LRRC53: variants seen among roughly 807,000 people sequenced by gnomAD.
The protein encoded by LRRC53 is leucine-rich repeat-containing protein 53.
LRRC53 carries 25 observed loss-of-function variants against 13.6 expected under a neutral mutation model. That is an observed-to-expected ratio of 1.83 (90% CI 1.34 to 2.56). LRRC53 has a LOEUF of 2.56. LRRC53 is among the 30% of genes most tolerant of loss of function. The pLI, the probability that LRRC53 is intolerant of heterozygous loss-of-function variation, is 0.00. For missense variants in LRRC53, 527 were observed against 275.8 expected (o/e 1.91, Z -6.45); for synonymous variants, 204 against 109.8 (o/e 1.86, Z -5.37).
chr1:74,531,629 C>G, the LRRC53 span, among the ~76,000 whole-genome samples: 1 of 152,152 alleles, frequency 6.6e-6, no homozygotes, highest in East Asian at 1.9e-4. Flanking sequence ...ATTTATTATC[C>G]TAGTGTAAAC....
At position 74,480,933 on chromosome 1, in the gene LRRC53, C is replaced by T. The variant is rs535066848; in HGVS notation, c.124G>A (p.Asp42Asn). The stretch of plus-strand genomic sequence containing the variant: ...CTCTCAATAGAGGAGAGATATCCAT[C>T]GGTGATGATTAAAACCCTCGTGGTC... ...PMTTRVLIIT[D>N]GYLSSIESTN... Residue 42 changes from aspartate (D) to asparagine (N), a missense_variant, in exon 3 of 5, where the codon GAT becomes AAT. Transcript: ENST00000294635. 13 of 716,898 alleles carry T rather than the reference C, an allele frequency of 1.8e-5. No individual in the cohort carries two copies. The highest frequency in any genetic ancestry group is 5.9e-5 in the South Asian group (4 of 67,530). The allele number at this position is 716,898 out of a possible 1,614,324, so 44.4% of individuals were successfully genotyped here. A position where few individuals can be genotyped will look rare whatever the true frequency, so the allele number is the denominator to read the frequency against.
the LRRC53 span, among the ~76,000 whole-genome samples, chr1:74,524,414 A>C: frequency 6.6e-6 from 1 of 152,290 alleles, no homozygotes; most frequent in East Asian, 1.9e-4. Context: ...GTGGAGTTTC[A>C]CTGGCTGTGG....
In LRRC53 at chr1:74,481,087, A is replaced by G. The variant is rs911804250; in HGVS notation, c.89-119T>C. The G allele has an allele frequency of 6.9e-6, 4 of 582,572 alleles. No homozygotes were observed. The African/African-American group carries it at 7.5e-5, about 11-fold the overall frequency. The allele number at this position is 582,572 out of a possible 1,614,324, so 36.1% of individuals were successfully genotyped here. A position where few individuals can be genotyped will look rare whatever the true frequency, so the allele number is the denominator to read the frequency against. On this transcript the variant is annotated intron_variant, in intron 2 of 4. Transcript: ENST00000294635. ...ATCTTATCACCTGGGTAAAAACAATAAACAATACAAAAAATGAAAATGATT... is the reference window on the plus strand; with the variant it reads ...ATCTTATCACCTGGGTAAAAACAATGAACAATACAAAAAATGAAAATGATT...
intron 1 of LRRC53, chr1:74,492,307 T>C (rs199746321): frequency 1.5e-5 from 22 of 1,444,074 alleles, no homozygotes; most frequent in African/African-American, 2.8e-5. Context: ...AAAGTCTTAT[T>C]TCAGAATCTT....
rs72971708 is a variant in LRRC53 at position 74,486,938 on chromosome 1, T to C, written c.-26-3563A>G. Among the ~76,000 whole-genome samples, 221 of 152,126 alleles carry C rather than the reference T, an allele frequency of 1.5e-3. 2 individuals are homozygous for C. Among genetic ancestry groups the C allele is most frequent in the African/African-American group, 5.0e-3 (206 of 41,514 alleles). On this transcript the variant is annotated intron_variant, in intron 1 of 4. Transcript: ENST00000294635. ...GAGATGTAACCATTGAATTTAGCAA[T>C]GAGATCTTTGTAACCTTGACAAGGG...
chr1:74,470,814 C>G lies in LRRC53; in HGVS notation c.2808G>C (p.Lys936Asn), dbSNP rs1557587043. The G allele has an allele frequency of 5.0e-6, 2 of 400,474 alleles. No individual in the cohort carries two copies. The highest frequency in any genetic ancestry group is 8.8e-6 in the Non-Finnish European group (2 of 226,184). 24.8% of individuals were successfully genotyped at this position (400,474 alleles called of 1,614,324 possible). ...RNQTQLLDAHKTDSYNKEYTL... is the reference protein window; with the variant it reads ...RNQTQLLDAHNTDSYNKEYTL... ...TGTATTCCTTGTTGTAGCTGTCAGT[C>G]TTGTGAGCATCTAAAAGTTGTGTTT... The change falls in exon 5 of 5, where the codon AAG becomes AAC. Residue 936 changes from lysine to asparagine, a missense_variant. Coordinates refer to ENST00000294635, the MANE Select transcript of LRRC53 (RefSeq NM_001382280.1).
Position 74,480,683 on chromosome 1 carries a change from G to T in LRRC53, c.374C>A (p.Ser125Tyr). The T allele has an allele frequency of 2.8e-6, 2 of 717,344 alleles. No individual in the cohort carries two copies. Among genetic ancestry groups the T allele is most frequent in the South Asian group, 1.5e-5 (1 of 67,576 alleles). 44.4% of individuals were successfully genotyped at this position (717,344 alleles called of 1,614,324 possible). ...CAGGCCGCTTGTGTTTCGGAACCAAGACCCTCGTAGGGTGCGGAGAGCATT... is the reference window on the plus strand; with the variant it reads ...CAGGCCGCTTGTGTTTCGGAACCAATACCCTCGTAGGGTGCGGAGAGCATT... ...SNNALRTLRG[S>Y]WFRNTSGLTR... Residue 125 changes from serine (S) to tyrosine (Y), a missense_variant, in exon 3 of 5, where the codon TCT becomes TAT. Ser to Tyr is a moderately radical substitution (Grantham distance 144). Transcript: ENST00000294635.
chr1:74,480,141 TC>T lies in LRRC53; in HGVS notation c.904+11del. The T allele has an allele frequency of 1.4e-6, 1 of 710,926 alleles. No individual in the cohort carries two copies. Among genetic ancestry groups the T allele is most frequent in the Non-Finnish European group, 2.6e-6 (1 of 382,202 alleles). The allele number at this position is 710,926 out of a possible 1,614,324, so 44.0% of individuals were successfully genotyped here. On this transcript the variant is annotated intron_variant, in intron 3 of 4. Coordinates refer to ENST00000294635, the MANE Select transcript of LRRC53 (RefSeq NM_001382280.1). ...AAGAGAAAAGAGGAGGGCACACTTC[TC>T]CCCGGCATACCTGCGAAGCCAAGGA...
intron 4 of LRRC53, among the ~76,000 whole-genome samples, chr1:74,473,791 T>C (rs541404379): frequency 2.0e-5 from 3 of 152,054 alleles, no homozygotes; most frequent in African/African-American, 7.2e-5. Flanking sequence ...GTAAACAAAT[T>C]ATGTTGGGGA....
chr1:74,533,229 T>A, the LRRC53 span, among the ~76,000 whole-genome samples: 1 of 151,584 alleles, frequency 6.6e-6, no homozygotes, highest in Admixed American at 6.6e-5. Context: ...AAAACAAACA[T>A]CCCCATCAAA....
the LRRC53 span, among the ~76,000 whole-genome samples, chr1:74,517,825 A>C: frequency 0.095 from 14,496 of 152,204 alleles, 1,582 homozygotes; most frequent in African/African-American, 0.27. Flanking sequence ...TTTTAAGGCA[A>C]AAACTGCTGG....
intron 1 of LRRC53, among the ~76,000 whole-genome samples, chr1:74,486,538 G>A (rs1198444344): frequency 1.3e-5 from 2 of 149,040 alleles, no homozygotes. Context: ...CAAGCAGAAG[G>A]ATGGAGTTTC....
At chr1:74,474,838 T>A (rs555122578) in intron 4 of LRRC53, among the ~76,000 whole-genome samples, 1 of 152,060 alleles carries the variant, frequency 6.6e-6, no homozygotes, top group East Asian at 1.9e-4. Context: ...TTGACATCAT[T>A]CCTGAAATGA....
At position 74,480,408 on chromosome 1, in the gene LRRC53, T is replaced by G. The variant is rs1668429085; in HGVS notation, c.649A>C (p.Ser217Arg). The change falls in exon 3 of 5, where the codon AGC becomes CGC. Residue 217 changes from serine (S) to arginine (R), a missense_variant. Ser to Arg is a moderately radical substitution (Grantham distance 110). Coordinates refer to ENST00000294635, the MANE Select transcript of LRRC53 (RefSeq NM_001382280.1). Reference protein sequence around the residue: ...ILLSLDKNQWSCTCDLHPLAR... With the variant: ...ILLSLDKNQWRCTCDLHPLAR... ...AGGGGATGGAGATCACAAGTGCAGC[T>G]CCACTGGTTCTTATCTAAGCTCAGA... 1.4e-6 allele frequency: 1 copy of G among 717,420 alleles called. No homozygotes were observed. The highest frequency in any genetic ancestry group is 2.0e-5 in the Admixed American group (1 of 50,006). The allele number at this position is 717,420 out of a possible 1,614,324, so 44.4% of individuals were successfully genotyped here. A position where few individuals can be genotyped will look rare whatever the true frequency, so the allele number is the denominator to read the frequency against.
chr1:74,525,599 C>T, the LRRC53 span, among the ~76,000 whole-genome samples: 8 of 152,264 alleles, frequency 5.3e-5, no homozygotes, highest in East Asian at 1.3e-3. Flanking sequence ...AATGCCAAGG[C>T]TACAGAGATA....
At chr1:74,507,422 A>G (rs573919508) in intron 1 of LRRC53, among the ~76,000 whole-genome samples, 108 of 152,244 alleles carry the variant, frequency 7.1e-4, no homozygotes, top group African/African-American at 2.4e-3. Context: ...TTGTATGTCA[A>G]TTGCCATACA....
chr1:74,524,418 G>T, the LRRC53 span, among the ~76,000 whole-genome samples: 1 of 152,162 alleles, frequency 6.6e-6, no homozygotes, highest in Non-Finnish European at 1.5e-5. Flanking sequence ...AGTTTCACTG[G>T]CTGTGGCCAC....
chr1:74,502,462 A>T (rs1197123547), intron 1 of LRRC53, among the ~76,000 whole-genome samples: 2 of 152,150 alleles, frequency 1.3e-5, no homozygotes, highest in Non-Finnish European at 2.9e-5. Flanking sequence ...AAAAAATGGT[A>T]GTTCATAATT....
the LRRC53 span, among the ~76,000 whole-genome samples, chr1:74,519,908 T>C: frequency 2.0e-5 from 3 of 152,286 alleles, no homozygotes; most frequent in East Asian, 5.8e-4. Context: ...TTCTCTGCTC[T>C]GGATGCCCTG....
Sources: gnomAD v4.1 joint callset for allele counts (sites outside exome capture counted in the v4.1 genomes callset) on GRCh38, gnomAD v4.1.1 for gene constraint, MANE v1.5 for transcripts, NCBI Gene and HGNC (gene_info 2026-07-23, HGNC 2026-07-21) for gene names.